Variants in CCPG1 observed in about 807,000 individuals in gnomAD.
The protein encoded by CCPG1 is cell cycle progression 1.
CCPG1 carries 46 observed loss-of-function variants against 81.3 expected under a neutral mutation model. The observed-to-expected ratio is 0.57, with a 90% confidence interval of 0.45 to 0.72. CCPG1 has a LOEUF of 0.72. Among genes scored for constraint, CCPG1 ranks in the 30% least tolerant of loss-of-function variants. The probability of loss-of-function intolerance (pLI) is 0.00; values close to 1 mark genes in which losing one functional copy is unlikely to be tolerated. For missense variants in CCPG1, 902 were observed against 937.6 expected (o/e 0.96, Z 0.50); for synonymous variants, 330 against 305.2 (o/e 1.08, Z -0.85).
At chr15:55,403,852 G>C (rs2057169283) in intron 1 of CCPG1, among the ~76,000 whole-genome samples, 1 of 152,126 alleles carries the variant, frequency 6.6e-6, no homozygotes, top group South Asian at 2.1e-4. Flanking sequence ...TTTGTTTAAA[G>C]TACCTTGGAC....
At chr15:55,406,320 GT>G (rs987679137) in intron 1 of CCPG1, among the ~76,000 whole-genome samples, 1 of 148,634 alleles carries the variant, frequency 6.7e-6, no homozygotes, top group Non-Finnish European at 1.5e-5. Flanking sequence ...TTTTTTAAAA[GT>G]TTTTTCTACA....
intron 1 of CCPG1, among the ~76,000 whole-genome samples, chr15:55,395,897 T>C (rs1291188807): frequency 6.6e-6 from 1 of 152,206 alleles, no homozygotes; most frequent in Non-Finnish European, 1.5e-5. Flanking sequence ...GGCTCACACC[T>C]GTAATCCCAG....
At chr15:55,390,739 G>A (rs541901466) in intron 1 of CCPG1, among the ~76,000 whole-genome samples, 4 of 151,944 alleles carry the variant, frequency 2.6e-5, no homozygotes, top group African/African-American at 9.7e-5. Context: ...GAAAACTCCT[G>A]TACATTAATA....
chr15:55,377,639 C>A (rs2056594692), intron 4 of CCPG1, among the ~76,000 whole-genome samples: 1 of 152,134 alleles, frequency 6.6e-6, no homozygotes, highest in Non-Finnish European at 1.5e-5. Flanking sequence ...AGAAGTGGGA[C>A]CTTTAGGAGG....
In CCPG1 at chr15:55,366,281, G is replaced by A. The variant is rs151131548; in HGVS notation, c.707-972C>T. On this transcript the variant is annotated intron_variant, in intron 6 of 8. Transcript: ENST00000442196. ...AACAAACCCTGGTATTTTTTCACAG[G>A]TCGTAAGTCAATAAGGAAAAATGAA... Among the ~76,000 whole-genome samples the A allele has an allele frequency of 1.6e-3, 250 of 151,720 alleles. 2 individuals carry two copies. The highest frequency in any genetic ancestry group is 5.8e-3 in the African/African-American group (241 of 41,340).
intron 5 of CCPG1, chr15:55,372,743 C>G: frequency 3.6e-6 from 1 of 275,884 alleles, no homozygotes; most frequent in Non-Finnish European, 7.3e-6. Flanking sequence ...TCTCTTCATT[C>G]AGTTTCAAAG....
At chr15:55,407,983 G>A (rs1473949510) in intron 1 of CCPG1, 1 of 152,436 alleles carries the variant, frequency 6.6e-6, no homozygotes, top group South Asian at 2.1e-4. Flanking sequence ...GAGGCTGCAA[G>A]ACCACCGGAC....
rs1406777911 is a variant in CCPG1 at position 55,359,982 on chromosome 15, T to A, written c.1791A>T (p.Pro597=). The change falls in exon 8 of 9, where the codon CCA becomes CCT. Residue 597 remains proline, a synonymous_variant. Coordinates refer to ENST00000442196, the MANE Select transcript of CCPG1 (RefSeq NM_001204450.2). ...TTTTTCTGAATTCTTTAAAGTGAACTGGCTTTTCTTTCCTTCCATCATTTT... is the reference window on the plus strand; with the variant it reads ...TTTTTCTGAATTCTTTAAAGTGAACAGGCTTTTCTTTCCTTCCATCATTTT... ...TMQNDGRKEK[P]VHFKEFRKNT... 6.2e-7 allele frequency: 1 copy of A among 1,613,052 alleles called. No individual in the cohort carries two copies.
intron 1 of CCPG1, among the ~76,000 whole-genome samples, chr15:55,397,058 C>T (rs1015666366): frequency 6.6e-6 from 1 of 151,124 alleles, no homozygotes; most frequent in African/African-American, 2.4e-5. Context: ...AAAAATTAGC[C>T]GGGCGATTAG....
chr15:55,374,140 A>G (rs1438594898), intron 5 of CCPG1: 2 of 1,279,664 alleles, frequency 1.6e-6, no homozygotes, highest in East Asian at 5.6e-5. Context: ...AGCTGGTCAG[A>G]TTTAGTCACA....
intron 8 of CCPG1, 133 bp from the exon 9 acceptor site, chr15:55,356,542 C>A (rs968195581): frequency 2.4e-6 from 3 of 1,233,934 alleles, no homozygotes; most frequent in Non-Finnish European, 3.1e-6. Flanking sequence ...GAATTACAAT[C>A]CTAGTATATC....
intron 5 of CCPG1, chr15:55,373,036 T>A (rs2056486949): frequency 1.9e-6 from 1 of 534,450 alleles, no homozygotes; most frequent in East Asian, 5.5e-5. Flanking sequence ...AACAGCTATC[T>A]CCGATATTAA....
chr15:55,399,579 ACT>A (rs1481892658), intron 1 of CCPG1, among the ~76,000 whole-genome samples: 4 of 152,016 alleles, frequency 2.6e-5, no homozygotes, highest in Admixed American at 6.6e-5. Flanking sequence ...ACAGAGCAAG[ACT>A]CTGTCAACCA....
At chr15:55,374,874 A>C (rs556007454) in intron 5 of CCPG1, among the ~76,000 whole-genome samples, 2 of 152,278 alleles carry the variant, frequency 1.3e-5, no homozygotes, top group South Asian at 4.1e-4. Flanking sequence ...CGTGTTGGTC[A>C]GGCTGGTCTC....
intron 7 of CCPG1, among the ~76,000 whole-genome samples, chr15:55,364,217 G>GT (rs2056272155): frequency 6.6e-6 from 1 of 150,506 alleles, no homozygotes; most frequent in South Asian, 2.2e-4. Flanking sequence ...GAGGTGTTAG[G>GT]TAATGACAGA....
intron 8 of CCPG1, chr15:55,357,246 A>T: frequency 2.2e-6 from 2 of 904,430 alleles, no homozygotes; most frequent in Non-Finnish European, 2.6e-6. Context: ...CAACAAGATG[A>T]CCCAACCCAG....
At chr15:55,362,931 CT>C (rs2056234091) in intron 7 of CCPG1, among the ~76,000 whole-genome samples, 1 of 152,040 alleles carries the variant, frequency 6.6e-6, no homozygotes, top group East Asian at 1.9e-4. Context: ...GTCGCAGCTA[CT>C]TGAGAGGCTA....
chr15:55,373,263 A>T (rs545432802), intron 5 of CCPG1, among the ~76,000 whole-genome samples: 32 of 152,340 alleles, frequency 2.1e-4, no homozygotes, highest in African/African-American at 7.7e-4. Flanking sequence ...TAATTTCCAC[A>T]AGCTACTTAG....
At chr15:55,390,217 C>T (rs755716226) in intron 1 of CCPG1, among the ~76,000 whole-genome samples, 6 of 152,104 alleles carry the variant, frequency 3.9e-5, no homozygotes, top group South Asian at 2.1e-4. Context: ...CCACTGCGCC[C>T]GGCAATCAAA....
Sources: gnomAD v4.1 joint callset for allele counts (sites outside exome capture counted in the v4.1 genomes callset) on GRCh38, gnomAD v4.1.1 for gene constraint, MANE v1.5 for transcripts, NCBI Gene and HGNC (gene_info 2026-07-23, HGNC 2026-07-21) for gene names.